The following SCN11A variants were observed in gnomAD, a reference collection of about 807,000 sequenced individuals.
The protein encoded by SCN11A is sodium channel protein type 11 subunit alpha.
Under a neutral mutation model 162.2 loss-of-function variants are expected in SCN11A, and 122 were observed. The observed-to-expected ratio is 0.75, with a 90% CI of 0.65 to 0.87. The LOEUF is 0.87. SCN11A is among the 40% of genes least tolerant of loss of function. The probability of loss-of-function intolerance (pLI) is 0.00; values close to 1 mark genes in which losing one functional copy is unlikely to be tolerated. For synonymous variants in SCN11A, 758 were observed against 751.5 expected (o/e 1.01, Z -0.14); for missense variants, 2,015 against 2,181.6 (o/e 0.92, Z 1.52).
chr3:38,878,168 T>TAATAATTA (rs1553634657), intron 23 of SCN11A, among the ~76,000 whole-genome samples: 1 of 148,274 alleles, frequency 6.7e-6, no homozygotes, highest in Non-Finnish European at 1.5e-5. Flanking sequence ...TATTGAAATA[T>TAATAATTA]AATAAATAAA....
At chr3:38,908,860 T>C (rs930667511) in intron 13 of SCN11A, 137 bp downstream of exon 13, 4 of 728,906 alleles carry the variant, frequency 5.5e-6, no homozygotes, top group African/African-American at 3.5e-5. Flanking sequence ...GAGGGACTTA[T>C]ATTCTCAGAA....
At chr3:38,907,355 T>C (rs896048863) in intron 14 of SCN11A, among the ~76,000 whole-genome samples, 98 of 24,890 alleles carry the variant, frequency 3.9e-3, no homozygotes, top group South Asian at 0.031. Flanking sequence ...TATATCTATA[T>C]ATACACACAC....
At chr3:38,896,488 C>G (rs926184055) in intron 18 of SCN11A, among the ~76,000 whole-genome samples, 1 of 152,136 alleles carries the variant, frequency 6.6e-6, no homozygotes, top group African/African-American at 2.4e-5. Context: ...TTCTTAAGAA[C>G]AAAAGATTGT....
At chr3:39,024,902 T>C (rs2031547422) in intron 2 of SCN11A, among the ~76,000 whole-genome samples, 1 of 152,252 alleles carries the variant, frequency 6.6e-6, no homozygotes, top group Admixed American at 6.5e-5. Flanking sequence ...CAATTTCCCC[T>C]GTATCTTTGG....
At chr3:38,879,863 T>C in intron 23 of SCN11A, 87 bp downstream of exon 23, 1 of 994,772 alleles carries the variant, frequency 1.0e-6, no homozygotes, top group Non-Finnish European at 1.5e-6. Flanking sequence ...GACATCCATA[T>C]GCGGCACACA....
Position 39,009,414 on chromosome 3 carries a change from C to CTA in SCN11A, c.-280+22964_-280+22965dup, listed in dbSNP as rs575294808. Among the ~76,000 whole-genome samples, 329 of 150,846 alleles carry CTA rather than the reference C, an allele frequency of 2.2e-3. 1 individual carries two copies. Among genetic ancestry groups the CTA allele is most frequent in the African/African-American group, 7.6e-3 (312 of 40,996 alleles). Reference sequence around the variant, plus strand: ...AAAGTGCATATATATATGTGTGTGTCTATATATATACATATATATATAAAG... The same window carrying CTA: ...AAAGTGCATATATATATGTGTGTGTCTATATATATATACATATATATATAAAG... On this transcript the variant is annotated intron_variant, in intron 2 of 29. Coordinates refer to ENST00000302328, the MANE Select transcript of SCN11A (RefSeq NM_001349253.2).
At chr3:38,949,280 C>T (rs1285140077) in intron 5 of SCN11A, among the ~76,000 whole-genome samples, 1 of 152,246 alleles carries the variant, frequency 6.6e-6, no homozygotes, top group Non-Finnish European at 1.5e-5. Flanking sequence ...AGTGTGCTCA[C>T]AGCCTCAGGC....
At chr3:38,887,069 C>T (rs2065412777) in intron 19 of SCN11A, among the ~76,000 whole-genome samples, 1 of 152,110 alleles carries the variant, frequency 6.6e-6, no homozygotes, top group African/African-American at 2.4e-5. Context: ...TATTCCCATA[C>T]CTTATGCACA....
rs2066146039 is a variant in SCN11A at position 38,926,666 on chromosome 3, C to A, written c.617+137G>T. 6.7e-6 allele frequency: 6 copies of A among 892,126 alleles called. No individual in the cohort carries two copies. In the East Asian group the frequency reaches 1.5e-4, roughly 22 times the overall value. 55.3% of individuals were successfully genotyped at this position (892,126 alleles called of 1,614,324 possible). A position where few individuals can be genotyped will look rare whatever the true frequency, so the allele number is the denominator to read the frequency against. On this transcript the variant is annotated intron_variant, in intron 8 of 29. Coordinates refer to ENST00000302328, the MANE Select transcript of SCN11A (RefSeq NM_001349253.2). ...GGCTGCACGTGCTGTTCAGGGCCAA[C>A]CAACACAGCACTCAGAGCTCTAGGC...
intron 19 of SCN11A, among the ~76,000 whole-genome samples, chr3:38,893,531 C>A (rs1466159815): frequency 6.6e-6 from 1 of 152,120 alleles, no homozygotes; most frequent in Non-Finnish European, 1.5e-5. Flanking sequence ...TAGCAGACAT[C>A]TATAGAACAC....
Position 38,889,270 on chromosome 3 carries a change from A to G in SCN11A, c.2836-3032T>C, listed in dbSNP as rs1055383538. On this transcript the variant is annotated intron_variant, in intron 19 of 29. Coordinates refer to ENST00000302328, the MANE Select transcript of SCN11A (RefSeq NM_001349253.2). ...GTGAAACCCCATCTCTACTAAAAAT[A>G]CCAAATTAGCCAGGCATGGTGGCAC... Among the ~76,000 whole-genome samples the G allele has an allele frequency of 3.3e-5, 5 of 151,796 alleles. No individual in the cohort carries two copies. In the South Asian group the frequency reaches 8.3e-4, roughly 25 times the overall value.
At chr3:38,906,059 A>G (rs2065787277) in intron 14 of SCN11A, among the ~76,000 whole-genome samples, 1 of 152,210 alleles carries the variant, frequency 6.6e-6, no homozygotes, top group Non-Finnish European at 1.5e-5. Context: ...TAGTCTTTCT[A>G]TGAGATCTCT....
intron 7 of SCN11A, among the ~76,000 whole-genome samples, chr3:38,936,255 C>T (rs2125563597): frequency 6.6e-6 from 1 of 152,208 alleles, no homozygotes; most frequent in East Asian, 1.9e-4. Context: ...AAACCCACAG[C>T]CAATATCATA....
chr3:38,982,877 G>A (rs553082390), intron 2 of SCN11A, among the ~76,000 whole-genome samples: 161 of 152,206 alleles, frequency 1.1e-3, no homozygotes, highest in African/African-American at 3.3e-3. Flanking sequence ...CCACATCTGC[G>A]AAATGTTATT....
chr3:38,926,080 T>C (rs1389126143), intron 8 of SCN11A, among the ~76,000 whole-genome samples: 1 of 152,250 alleles, frequency 6.6e-6, no homozygotes, highest in Non-Finnish European at 1.5e-5. Flanking sequence ...CTGGTACATA[T>C]TGAATGATGC....
intron 7 of SCN11A, among the ~76,000 whole-genome samples, chr3:38,929,949 T>C (rs972552271): frequency 1.3e-5 from 2 of 152,242 alleles, no homozygotes; most frequent in African/African-American, 4.8e-5. Context: ...CTGTATTCTT[T>C]ACAAATTATC....
At chr3:38,899,778 C>T in intron 17 of SCN11A, 116 bp downstream of exon 17, 1 of 784,250 alleles carries the variant, frequency 1.3e-6, no homozygotes, top group Non-Finnish European at 2.0e-6. Flanking sequence ...AGTTTTGGTT[C>T]TGGGGTTAAG....
At chr3:39,039,050 T>C (rs570328183) in intron 1 of SCN11A, among the ~76,000 whole-genome samples, 4 of 152,334 alleles carry the variant, frequency 2.6e-5, no homozygotes, top group Admixed American at 6.5e-5. Flanking sequence ...TGCTTGATGA[T>C]AAGTTTAATA....
At chr3:38,909,938 A>G in intron 12 of SCN11A, 128 bp downstream of exon 12, 1 of 927,038 alleles carries the variant, frequency 1.1e-6, no homozygotes. Flanking sequence ...TAAAGATGAG[A>G]CAGATGATAA....
Sources: gnomAD v4.1 joint callset for allele counts (sites outside exome capture counted in the v4.1 genomes callset) on GRCh38, gnomAD v4.1.1 for gene constraint, MANE v1.5 for transcripts, NCBI Gene and HGNC (gene_info 2026-07-23, HGNC 2026-07-21) for gene names.